Variants in FCHO1 observed in about 807,000 individuals in gnomAD.
The protein encoded by FCHO1 is F-BAR domain only protein 1.
Under a neutral mutation model 114.4 loss-of-function variants are expected in FCHO1, and 45 were observed. The ratio of observed to expected loss-of-function variants is 0.39; its 90% CI spans 0.31 to 0.50. The LOEUF (loss-of-function observed/expected upper bound fraction) is 0.50. Among genes scored for constraint, FCHO1 ranks in the 20% least tolerant of loss-of-function variants. The pLI, the probability that FCHO1 is intolerant of heterozygous loss-of-function variation, is 0.77. For synonymous variants in FCHO1, 480 were observed against 488.9 expected (o/e 0.98, Z 0.24); for missense variants, 1,042 against 1,209.6 (o/e 0.86, Z 2.06).
In FCHO1 at chr19:17,783,213, T is replaced by TG. The variant is rs752829265; in HGVS notation, c.2093+45dup. 8 of 1,594,370 alleles carry TG rather than the reference T, an allele frequency of 5.0e-6. No homozygotes were observed. The East Asian group carries it at 1.6e-4, about 31-fold the overall frequency. On this transcript the variant is annotated intron_variant, in intron 24 of 28. Transcript: ENST00000596536. ...AGTGGGAGAGGGCCTCGGAGGCTGC[T>TG]GGGGATCAGGCTTCCGGACTCTGAG...
chr19:17,750,992 C>T (rs1329877293), upstream of FCHO1, among the ~76,000 whole-genome samples: 2 of 152,054 alleles, frequency 1.3e-5, no homozygotes, highest in Non-Finnish European at 2.9e-5. Flanking sequence ...CAGGCATGGG[C>T]CACCACGCCC....
intron 1 of FCHO1, among the ~76,000 whole-genome samples, chr19:17,752,958 T>A (rs2082361787): frequency 6.6e-6 from 1 of 152,114 alleles, no homozygotes; most frequent in Non-Finnish European, 1.5e-5. Context: ...GGCGTGAGCC[T>A]GTAGTCTCAG....
At chr19:17,786,776 G>A (rs2093934927) in intron 27 of FCHO1, 147 bp downstream of exon 27, 5 of 823,156 alleles carry the variant, frequency 6.1e-6, no homozygotes, top group Non-Finnish European at 9.6e-6. Context: ...AGGAGGGCCG[G>A]GCTGAGTGGC....
rs372466608 is a variant in FCHO1 at position 17,784,283 on chromosome 19, C to T, written c.2226+48C>T. On this transcript the variant is annotated intron_variant, in intron 25 of 28. Coordinates refer to ENST00000596536, the MANE Select transcript of FCHO1 (RefSeq NM_015122.3). This position sits in a 1 kb window ranked among gnomAD's most constrained non-coding sequence, Gnocchi z 5.3. ...GGAGGAGGTGGTGGAGTGGGGGACA[C>T]GGTGAGCCGGCAGCAGACATGGAGG... 3.4e-5 allele frequency: 53 copies of T among 1,549,878 alleles called. No homozygotes were observed. The highest frequency in any genetic ancestry group is 2.6e-4 in the African/African-American group (19 of 73,158).
At chr19:17,774,820 A>C (rs577938932) in intron 13 of FCHO1, 2 of 585,158 alleles carry the variant, frequency 3.4e-6, no homozygotes, top group Admixed American at 3.1e-5. Context: ...CAGCCCTTCA[A>C]ATGAGTTCCA....
intron 20 of FCHO1, among the ~76,000 whole-genome samples, chr19:17,780,590 C>G (rs1463809415): frequency 2.0e-5 from 3 of 152,154 alleles, no homozygotes; most frequent in Admixed American, 6.5e-5. Flanking sequence ...GGGTGGAGGC[C>G]TGGGTTGCTG....
chr19:17,784,625 C>A lies in FCHO1; in HGVS notation c.2227-100C>A. ...TCCCTGTGACTGGACCCCCTTGGGGCGGTGCGTGCATCGCAGGGTCAAGGT... is the reference window on the plus strand; with the variant it reads ...TCCCTGTGACTGGACCCCCTTGGGGAGGTGCGTGCATCGCAGGGTCAAGGT... On this transcript the variant is annotated intron_variant, in intron 25 of 28. Coordinates refer to ENST00000596536, the MANE Select transcript of FCHO1 (RefSeq NM_015122.3). This position sits in a 1 kb window ranked among gnomAD's most constrained non-coding sequence, Gnocchi z 5.3. The A allele has an allele frequency of 9.0e-7, 1 of 1,115,206 alleles. No homozygotes were observed. Among genetic ancestry groups the A allele is most frequent in the African/African-American group, 1.5e-5 (1 of 65,550 alleles). 69.1% of individuals were successfully genotyped at this position (1,115,206 alleles called of 1,614,324 possible). A position where few individuals can be genotyped will look rare whatever the true frequency, so the allele number is the denominator to read the frequency against.
Position 17,775,210 on chromosome 19 carries a change from G to A in FCHO1, c.945+130G>A. On this transcript the variant is annotated intron_variant, in intron 14 of 28. Transcript: ENST00000596536. The surrounding 1 kb of genome is among the most constrained non-coding windows in gnomAD (Gnocchi z 5.1). ...TTGAGGGGCGGGCTGGAGCCTGGGG[G>A]CTGGGTTCATATCCCACCTCAGCTG... 9.2e-7 allele frequency: 1 copy of A among 1,088,952 alleles called. No homozygotes were observed. The highest frequency in any genetic ancestry group is 1.3e-6 in the Non-Finnish European group (1 of 747,402). 67.5% of individuals were successfully genotyped at this position (1,088,952 alleles called of 1,614,324 possible).
intron 4 of FCHO1, among the ~76,000 whole-genome samples, chr19:17,756,433 G>A (rs1375842567): frequency 7.2e-5 from 11 of 152,182 alleles, no homozygotes; most frequent in African/African-American, 1.7e-4. Flanking sequence ...TGTGTGAGGC[G>A]TGCAGGCTCG....
chr19:17,787,594 G>A (rs571278851), intron 27 of FCHO1, 88 bp from the exon 28 acceptor site: 1,123 of 1,415,530 alleles, frequency 7.9e-4, no homozygotes, highest in Non-Finnish European at 7.3e-4. Flanking sequence ...ACAGAACAGA[G>A]GGCTTCAGGT....
In FCHO1 at chr19:17,776,966, T is replaced by G. The variant is rs1055157448; in HGVS notation, c.1259+280T>G. Among the ~76,000 whole-genome samples the G allele has an allele frequency of 1.1e-4, 16 of 151,836 alleles. No homozygotes were observed. Among genetic ancestry groups the G allele is most frequent in the African/African-American group, 3.6e-4 (15 of 41,354 alleles). ...GCACCCACCACCACGCCCAGCTAACTTTTGTATTTTTAGTAGAGACAGGGT... is the reference window on the plus strand; with the variant it reads ...GCACCCACCACCACGCCCAGCTAACGTTTGTATTTTTAGTAGAGACAGGGT... On this transcript the variant is annotated intron_variant, in intron 18 of 28. Coordinates refer to ENST00000596536, the MANE Select transcript of FCHO1 (RefSeq NM_015122.3). This position sits in a 1 kb window ranked among gnomAD's most constrained non-coding sequence, Gnocchi z 4.4.
chr19:17,784,249 A>G lies in FCHO1; in HGVS notation c.2226+14A>G, dbSNP rs2093671698. ...CTGCGATACCAGGTGCGCCACCCGCATGGGGCCGGGAGGAGGTGGTGGAGT... is the reference window on the plus strand; with the variant it reads ...CTGCGATACCAGGTGCGCCACCCGCGTGGGGCCGGGAGGAGGTGGTGGAGT... On this transcript the variant is annotated intron_variant, in intron 25 of 28. Coordinates refer to ENST00000596536, the MANE Select transcript of FCHO1 (RefSeq NM_015122.3). The surrounding 1 kb of genome is among the most constrained non-coding windows in gnomAD (Gnocchi z 5.3). 3 of 1,587,228 alleles carry G rather than the reference A, an allele frequency of 1.9e-6. No homozygotes were observed. Among genetic ancestry groups the G allele is most frequent in the South Asian group, 1.1e-5 (1 of 88,484 alleles).
chr19:17,770,828 C>T lies in FCHO1; in HGVS notation c.526C>T (p.Arg176Trp), dbSNP rs377605612. The change falls in exon 9 of 29, where the codon CGG becomes TGG. Residue 176 changes from arginine to tryptophan, a missense_variant. By Grantham distance (101) the Arg-to-Trp change is moderately radical. Coordinates refer to ENST00000596536, the MANE Select transcript of FCHO1 (RefSeq NM_015122.3). ...TKTKKAAESLRRSVEKYNSAR... is the reference protein window; with the variant it reads ...TKTKKAAESLWRSVEKYNSAR... ...AACCAAGAAGGCGGCAGAGAGCCTG[C>T]GGCGCTCAGTGGAAAAATACAACTC... 3.4e-5 allele frequency: 55 copies of T among 1,614,008 alleles called. No individual in the cohort carries two copies. The highest frequency in any genetic ancestry group is 4.4e-5 in the Non-Finnish European group (52 of 1,180,028).
chr19:17,776,796 G>C lies in FCHO1; in HGVS notation c.1259+110G>C, dbSNP rs988787406. 6.5e-6 allele frequency: 7 copies of C among 1,079,206 alleles called. No individual in the cohort carries two copies. The South Asian group carries it at 1.0e-4, about 15-fold the overall frequency. The allele number at this position is 1,079,206 out of a possible 1,614,324, so 66.9% of individuals were successfully genotyped here. Reference sequence around the variant, plus strand: ...CCCGGCTGGGAGTTGACGTCATGCTGGGGTTTTTTTGTTTTTGTTTTTGTT... The same window carrying C: ...CCCGGCTGGGAGTTGACGTCATGCTCGGGTTTTTTTGTTTTTGTTTTTGTT... On this transcript the variant is annotated intron_variant, in intron 18 of 28. Transcript: ENST00000596536. This position sits in a 1 kb window ranked among gnomAD's most constrained non-coding sequence, Gnocchi z 4.4.
Position 17,776,344 on chromosome 19 carries a change from A to C in FCHO1, c.1207+73A>C. 3 of 1,591,352 alleles carry C rather than the reference A, an allele frequency of 1.9e-6. No individual in the cohort carries two copies. Among genetic ancestry groups the C allele is most frequent in the South Asian group, 2.2e-5 (2 of 90,578 alleles). On this transcript the variant is annotated intron_variant, in intron 17 of 28. Coordinates refer to ENST00000596536, the MANE Select transcript of FCHO1 (RefSeq NM_015122.3). The surrounding 1 kb of genome is among the most constrained non-coding windows in gnomAD (Gnocchi z 4.4). Reference sequence around the variant, plus strand: ...GGCTATGGGTTTGGGCTTGAATCATAACTCCGTTTTGTAACTTTGGGCAGG... The same window carrying C: ...GGCTATGGGTTTGGGCTTGAATCATCACTCCGTTTTGTAACTTTGGGCAGG...
intron 7 of FCHO1, among the ~76,000 whole-genome samples, chr19:17,767,586 A>C (rs767459516): frequency 5.3e-5 from 8 of 150,260 alleles, no homozygotes; most frequent in African/African-American, 9.8e-5. Context: ...AAAAAAAACA[A>C]GAGAGAGAGA....
At chr19:17,765,120 T>C (rs191607272) in intron 6 of FCHO1, among the ~76,000 whole-genome samples, 24 of 145,694 alleles carry the variant, frequency 1.6e-4, no homozygotes, top group Non-Finnish European at 2.7e-4. Context: ...GTGTGAGAGA[T>C]CGGGCACTTT....
chr19:17,772,548 T>C lies in FCHO1; in HGVS notation c.686T>C (p.Ile229Thr). Reference protein sequence around the residue: ...AHSVEDTHVQIGQVHEEFKQN... With the variant: ...AHSVEDTHVQTGQVHEEFKQN... The stretch of plus-strand genomic sequence containing the variant: ...TCGGTGGAGGACACGCACGTGCAGA[T>C]TGGGCAGGTGAGTTGGGCAGGTGTG... The change falls in exon 10 of 29, where the codon ATT (isoleucine) becomes ACT (threonine). Residue 229 changes from isoleucine (I) to threonine (T), a missense_variant. By Grantham distance (89) the Ile-to-Thr change is moderately conservative (BLOSUM62 -1). This residue lies in a region of FCHO1 where 450 missense variants were observed against 564.1 expected (regional missense o/e 0.80). Transcript: ENST00000596536. The C allele has an allele frequency of 1.2e-6, 2 of 1,614,074 alleles. No homozygotes were observed. The highest frequency in any genetic ancestry group is 1.7e-6 in the Non-Finnish European group (2 of 1,179,974).
In FCHO1 at chr19:17,783,979, G is replaced by T. The variant is rs994059337; in HGVS notation, c.2094-124G>T. The T allele has an allele frequency of 1.1e-5, 13 of 1,226,202 alleles. No homozygotes were observed. The Admixed American group carries it at 1.1e-4, about 10-fold the overall frequency. 76.0% of individuals were successfully genotyped at this position (1,226,202 alleles called of 1,614,324 possible). A position where few individuals can be genotyped will look rare whatever the true frequency, so the allele number is the denominator to read the frequency against. ...TACTGCCCGCACCACAACCACCCAGGTAGGGCTTTGCTGGGCCCAGGGTGG... is the reference window on the plus strand; with the variant it reads ...TACTGCCCGCACCACAACCACCCAGTTAGGGCTTTGCTGGGCCCAGGGTGG... On this transcript the variant is annotated intron_variant, in intron 24 of 28. Transcript: ENST00000596536.
Sources: allele counts gnomAD v4.1 joint callset (sites outside exome capture counted in the v4.1 genomes callset), GRCh38; gene constraint gnomAD v4.1.1; regional missense constraint gnomAD v4.1.1; non-coding constraint Gnocchi (gnomAD v3.1); transcripts MANE v1.5; gene names NCBI Gene and HGNC (gene_info 2026-07-23, HGNC 2026-07-21).